PLCXD3: variants seen among roughly 807,000 people sequenced by gnomAD.
PLCXD3 encodes PI-PLC X domain-containing protein 3.
A neutral mutation model predicts 25.5 loss-of-function variants in PLCXD3; 19 were observed. That is an observed-to-expected ratio of 0.75 (90% CI 0.52 to 1.09). The LOEUF (loss-of-function observed/expected upper bound fraction) is 1.09, where lower values mean the gene tolerates loss of function less well. Among genes scored for constraint, PLCXD3 ranks in the 50% least tolerant of loss-of-function variants. The pLI, the probability that PLCXD3 is intolerant of heterozygous loss-of-function variation, is 0.00. For synonymous variants in PLCXD3, 174 were observed against 137.6 expected (o/e 1.26, Z -1.85); for missense variants, 411 against 388.1 (o/e 1.06, Z -0.50).
chr5:41,317,663 G>T (rs562996013), intron 2 of PLCXD3, among the ~76,000 whole-genome samples: 5 of 152,066 alleles, frequency 3.3e-5, no homozygotes, highest in Admixed American at 2.0e-4. Context: ...ATTCAATGAA[G>T]ATATTAAAAT....
chr5:41,471,746 C>A (rs1220484353), intron 1 of PLCXD3, among the ~76,000 whole-genome samples: 5 of 150,238 alleles, frequency 3.3e-5, no homozygotes, highest in Non-Finnish European at 7.4e-5. Context: ...AATGATTAAC[C>A]AAACAAAAAT....
chr5:41,439,057 A>T (rs1399892157), intron 1 of PLCXD3, among the ~76,000 whole-genome samples: 2 of 152,232 alleles, frequency 1.3e-5, no homozygotes, highest in African/African-American at 2.4e-5. Context: ...GTCGTAGTTT[A>T]CGGTGGAGCT....
intron 1 of PLCXD3, among the ~76,000 whole-genome samples, chr5:41,452,956 T>C (rs1170002878): frequency 6.6e-6 from 1 of 151,994 alleles, no homozygotes; most frequent in Non-Finnish European, 1.5e-5. Context: ...CATTGTGGAA[T>C]AGATAAATAA....
At chr5:41,499,769 T>C (rs1662333708) in intron 1 of PLCXD3, among the ~76,000 whole-genome samples, 1 of 151,906 alleles carries the variant, frequency 6.6e-6, no homozygotes, top group African/African-American at 2.4e-5. Context: ...CAAAACAGTA[T>C]AGTTCTGGCA....
At chr5:41,500,977 AG>A (rs1462959229) in intron 1 of PLCXD3, among the ~76,000 whole-genome samples, 2 of 152,026 alleles carry the variant, frequency 1.3e-5, no homozygotes, top group Non-Finnish European at 2.9e-5. Flanking sequence ...ACTAATCACC[AG>A]GGAAATGAAA....
chr5:41,465,048 G>A (rs1306786241), intron 1 of PLCXD3, among the ~76,000 whole-genome samples: 2 of 151,918 alleles, frequency 1.3e-5, no homozygotes, highest in Non-Finnish European at 2.9e-5. Flanking sequence ...TTTTGGGGGT[G>A]TTCTCATTCC....
intron 2 of PLCXD3, among the ~76,000 whole-genome samples, chr5:41,353,006 T>C (rs903367065): frequency 1.3e-5 from 2 of 152,130 alleles, no homozygotes; most frequent in Non-Finnish European, 2.9e-5. Context: ...GAAGGTTTGC[T>C]AGAGGTTTGA....
At chr5:41,372,729 G>T (rs1460560850) in intron 2 of PLCXD3, among the ~76,000 whole-genome samples, 1 of 151,884 alleles carries the variant, frequency 6.6e-6, no homozygotes, top group African/African-American at 2.4e-5. Flanking sequence ...TTGACCAAAA[G>T]GACCCCAGAG....
chr5:41,425,095 CTT>C lies in PLCXD3; in HGVS notation c.104-42563_104-42562del, dbSNP rs539952859. 4.1e-3 allele frequency among the ~76,000 whole-genome samples: 618 copies of C among 152,204 alleles called. 5 individuals carry two copies. The highest frequency in any genetic ancestry group is 0.014 in the African/African-American group (597 of 41,534). On this transcript the variant is annotated intron_variant, in intron 1 of 2. Coordinates refer to ENST00000377801, the MANE Select transcript of PLCXD3 (RefSeq NM_001005473.3). Reference sequence around the variant, plus strand: ...TAGAGCTATTAAATACTTGGTAAATCTTTCTTTTAATCATTGTATAGTAATCA... The same window carrying C: ...TAGAGCTATTAAATACTTGGTAAATCTCTTTTAATCATTGTATAGTAATCA...
chr5:41,475,036 C>T (rs968566344), intron 1 of PLCXD3, among the ~76,000 whole-genome samples: 2 of 152,206 alleles, frequency 1.3e-5, no homozygotes, highest in Admixed American at 6.5e-5. Context: ...AATTTTCATC[C>T]TCCCTTTCCT....
At chr5:41,439,832 T>A (rs2150511207) in intron 1 of PLCXD3, among the ~76,000 whole-genome samples, 1 of 152,342 alleles carries the variant, frequency 6.6e-6, no homozygotes, top group African/African-American at 2.4e-5. Flanking sequence ...TATTGGTCAC[T>A]TATCAAGTAC....
At chr5:41,398,744 C>A (rs1746085967) in intron 1 of PLCXD3, among the ~76,000 whole-genome samples, 1 of 152,174 alleles carries the variant, frequency 6.6e-6, no homozygotes, top group East Asian at 1.9e-4. Flanking sequence ...CCATATATGA[C>A]AGACCCACAG....
chr5:41,365,257 T>A (rs1744900990), intron 2 of PLCXD3, among the ~76,000 whole-genome samples: 2 of 152,208 alleles, frequency 1.3e-5, no homozygotes, highest in African/African-American at 2.4e-5. Context: ...AATATCATAT[T>A]TGAGTAGAGA....
At chr5:41,325,614 T>C (rs1471575319) in intron 2 of PLCXD3, among the ~76,000 whole-genome samples, 1 of 152,198 alleles carries the variant, frequency 6.6e-6, no homozygotes, top group Non-Finnish European at 1.5e-5. Context: ...TTTTTGTTTT[T>C]TTGCCATTGA....
At chr5:41,460,979 A>T (rs1747859432) in intron 1 of PLCXD3, among the ~76,000 whole-genome samples, 1 of 151,678 alleles carries the variant, frequency 6.6e-6, no homozygotes, top group African/African-American at 2.4e-5. Context: ...TCAACAATAC[A>T]TTCAGAATAT....
chr5:41,364,633 G>T (rs1372533988), intron 2 of PLCXD3, among the ~76,000 whole-genome samples: 2 of 152,100 alleles, frequency 1.3e-5, no homozygotes, highest in Admixed American at 1.3e-4. Context: ...AAGAACATCT[G>T]GGACTTCCTG....
At chr5:41,424,462 C>A (rs549355378) in intron 1 of PLCXD3, among the ~76,000 whole-genome samples, 7 of 152,226 alleles carry the variant, frequency 4.6e-5, no homozygotes, top group South Asian at 2.1e-4. Context: ...ATTGCTTGAA[C>A]CTGGGAGGCG....
intron 2 of PLCXD3, among the ~76,000 whole-genome samples, chr5:41,348,177 A>G (rs1215673491): frequency 6.6e-6 from 1 of 152,220 alleles, no homozygotes; most frequent in Non-Finnish European, 1.5e-5. Flanking sequence ...TTAGAGGAGT[A>G]GCTGCTCTGG....
intron 2 of PLCXD3, among the ~76,000 whole-genome samples, chr5:41,361,867 CAA>C (rs907513161): frequency 1.3e-5 from 2 of 152,164 alleles, no homozygotes; most frequent in Admixed American, 6.5e-5. Flanking sequence ...TTTTAATATA[CAA>C]ACTCTTGAAT....
Sources: allele counts gnomAD v4.1 joint callset (sites outside exome capture counted in the v4.1 genomes callset), GRCh38; gene constraint gnomAD v4.1.1; transcripts MANE v1.5; gene names NCBI Gene and HGNC (gene_info 2026-07-23, HGNC 2026-07-21).